PTPRE: variants seen among roughly 807,000 people sequenced by gnomAD.
The protein encoded by PTPRE is receptor-type tyrosine-protein phosphatase epsilon.
PTPRE carries 51 observed loss-of-function variants against 102.0 expected under a neutral mutation model. That is an observed-to-expected ratio of 0.50 (90% CI 0.40 to 0.63). The LOEUF (loss-of-function observed/expected upper bound fraction) is 0.63. Ranked by LOEUF, PTPRE falls within the 30% of genes least tolerant of loss-of-function variation. PTPRE has a pLI of 0.00. For missense variants in PTPRE, 752 were observed against 915.1 expected (o/e 0.82, Z 2.30); for synonymous variants, 345 against 348.2 (o/e 0.99, Z 0.10).
intron 1 of PTPRE, among the ~76,000 whole-genome samples, chr10:127,947,020 C>CAAAAAAA (rs59527787): frequency 2.4e-5 from 2 of 82,486 alleles, no homozygotes; most frequent in Non-Finnish European, 2.6e-5. Flanking sequence ...GACCCTGTCT[C>CAAAAAAA]AAAAAAAAAA....
At chr10:127,994,457 C>T (rs78959723) in intron 2 of PTPRE, among the ~76,000 whole-genome samples, 5,892 of 152,330 alleles carry the variant, frequency 0.039, 181 homozygotes, top group Middle Eastern at 0.092. Flanking sequence ...CCCGCAAGAA[C>T]GCAGGCCCCA....
chr10:128,021,131 G>A (rs997504777), intron 2 of PTPRE, among the ~76,000 whole-genome samples: 4 of 152,066 alleles, frequency 2.6e-5, no homozygotes, highest in Non-Finnish European at 1.5e-5. Context: ...TCCTGACCTC[G>A]TGATCCACCT....
chr10:128,020,043 T>C (rs1328375139), intron 2 of PTPRE, among the ~76,000 whole-genome samples: 1 of 119,134 alleles, frequency 8.4e-6, no homozygotes, highest in South Asian at 2.7e-4. Context: ...TGTGTGTGTG[T>C]GTGCACGCGC....
chr10:127,963,709 CACACGTGCACACACGTGTGG>C, intron 1 of PTPRE, among the ~76,000 whole-genome samples: 1 of 152,034 alleles, frequency 6.6e-6, no homozygotes, highest in African/African-American at 2.4e-5. Context: ...TGCGTGCACA[CACACGTGCACACACGTGTGG>C]AACCCACGGG....
intron 2 of PTPRE, chr10:127,999,171 C>T (rs1456709385): frequency 2.6e-5 from 4 of 152,076 alleles, no homozygotes; most frequent in African/African-American, 9.7e-5. Flanking sequence ...CTAAAGTCAC[C>T]GAGACTGTGT....
chr10:128,019,531 G>A lies in PTPRE; in HGVS notation c.-7-21344G>A, dbSNP rs550440936. 9.8e-5 allele frequency among the ~76,000 whole-genome samples: 15 copies of A among 152,296 alleles called. No individual in the cohort carries two copies. The East Asian group carries it at 1.9e-3, about 20-fold the overall frequency. ...AAATACTCAGAGTCCAGGGTCCTTC[G>A]TGGGATCTGCCTTGAGTAGCCAGAG... On this transcript the variant is annotated intron_variant, in intron 2 of 20. Coordinates refer to ENST00000254667, the MANE Select transcript of PTPRE (RefSeq NM_006504.6).
intron 2 of PTPRE, among the ~76,000 whole-genome samples, chr10:128,026,397 G>T (rs1846294619): frequency 6.6e-6 from 1 of 152,204 alleles, no homozygotes; most frequent in South Asian, 2.1e-4. Context: ...GCTGGCACCT[G>T]ACCTCTCCCC....
At chr10:128,058,932 T>C (rs973465897) in intron 7 of PTPRE, among the ~76,000 whole-genome samples, 3 of 152,180 alleles carry the variant, frequency 2.0e-5, no homozygotes, top group Admixed American at 1.3e-4. Context: ...GTCAAGGTGC[T>C]TTGCATGTCA....
intron 5 of PTPRE, among the ~76,000 whole-genome samples, chr10:128,048,708 G>A (rs1848302642): frequency 6.6e-6 from 1 of 152,202 alleles, no homozygotes; most frequent in African/African-American, 2.4e-5. Context: ...CGGAAGGGAG[G>A]AGGGTGCGGC....
At chr10:127,977,391 A>G (rs144205671) in intron 1 of PTPRE, among the ~76,000 whole-genome samples, 1 of 152,270 alleles carries the variant, frequency 6.6e-6, no homozygotes, top group Non-Finnish European at 1.5e-5. Context: ...ACATGTTAAA[A>G]TAAAATGTAA....
chr10:128,007,230 C>G (rs1331604262), intron 2 of PTPRE, among the ~76,000 whole-genome samples: 1 of 152,154 alleles, frequency 6.6e-6, no homozygotes, highest in Non-Finnish European at 1.5e-5. Flanking sequence ...GGGAAAAATA[C>G]TGCTCAACTC....
chr10:127,999,798 T>C, intron 2 of PTPRE: 3 of 985,448 alleles, frequency 3.0e-6, no homozygotes, highest in Non-Finnish European at 3.6e-6. Context: ...GCCGCGAGCC[T>C]CAGAAGGAAA....
chr10:128,075,615 C>T (rs117449855), intron 17 of PTPRE, among the ~76,000 whole-genome samples: 3,347 of 152,276 alleles, frequency 0.022, 48 homozygotes, highest in Non-Finnish European at 0.033. Context: ...CAAGATAATT[C>T]CTAATTGCTT....
chr10:127,980,072 G>A (rs1013128464), intron 1 of PTPRE, among the ~76,000 whole-genome samples: 6 of 152,074 alleles, frequency 3.9e-5, no homozygotes, highest in African/African-American at 1.4e-4. Context: ...CTTGTAATAA[G>A]TTATTCCTAC....
At chr10:127,986,319 G>C (rs938964201) in intron 2 of PTPRE, among the ~76,000 whole-genome samples, 1 of 152,174 alleles carries the variant, frequency 6.6e-6, no homozygotes, top group Non-Finnish European at 1.5e-5. Flanking sequence ...TGGGTCTCTC[G>C]CATAGTATTT....
At position 127,961,205 on chromosome 10, in the gene PTPRE, T is replaced by C. The variant is rs138339939; in HGVS notation, c.-30-21069T>C. On this transcript the variant is annotated intron_variant, in intron 1 of 20. Coordinates refer to ENST00000254667, the MANE Select transcript of PTPRE (RefSeq NM_006504.6). ...CTCCTGGGGCATAGAAGTACTTATTTCAGACCACACAAATGAAAACGATTA... is the reference window on the plus strand; with the variant it reads ...CTCCTGGGGCATAGAAGTACTTATTCCAGACCACACAAATGAAAACGATTA... Among the ~76,000 whole-genome samples, 13 of 152,240 alleles carry C rather than the reference T, an allele frequency of 8.5e-5. No homozygotes were observed. In the East Asian group the frequency reaches 2.5e-3, roughly 29 times the overall value.
chr10:127,955,536 A>T (rs1175159434), intron 1 of PTPRE, among the ~76,000 whole-genome samples: 2 of 152,188 alleles, frequency 1.3e-5, no homozygotes, highest in African/African-American at 4.8e-5. Context: ...CTTTATTTTC[A>T]TTCCTCTCTT....
chr10:127,941,457 C>T (rs1407938795), intron 1 of PTPRE, among the ~76,000 whole-genome samples: 1 of 152,256 alleles, frequency 6.6e-6, no homozygotes, highest in Non-Finnish European at 1.5e-5. Flanking sequence ...CAACACCTAT[C>T]CCGGCCACAG....
At chr10:128,079,835 G>A (rs756233387) in intron 20 of PTPRE, 140 bp downstream of exon 20, 16 of 1,179,476 alleles carry the variant, frequency 1.4e-5, no homozygotes, top group East Asian at 2.5e-5. Flanking sequence ...CAGCTGCAAT[G>A]TTTCGCAGTA....
Sources: gnomAD v4.1 joint callset for allele counts (sites outside exome capture counted in the v4.1 genomes callset) on GRCh38, gnomAD v4.1.1 for gene constraint, MANE v1.5 for transcripts, NCBI Gene and HGNC (gene_info 2026-07-23, HGNC 2026-07-21) for gene names.